NDUFAB1: variants seen among roughly 807,000 people sequenced by gnomAD.
The protein encoded by NDUFAB1 is NADH:ubiquinone oxidoreductase subunit AB1.
A neutral mutation model predicts 16.1 loss-of-function variants in NDUFAB1; 5 were observed. That is an observed-to-expected ratio of 0.31 (90% CI 0.16 to 0.65). NDUFAB1 has a LOEUF of 0.65. Among genes scored for constraint, NDUFAB1 ranks in the 30% least tolerant of loss-of-function variants. The pLI is 0.77. For synonymous variants in NDUFAB1, 85 were observed against 78.4 expected (o/e 1.08, Z -0.44); for missense variants, 187 against 205.3 (o/e 0.91, Z 0.54).
intron 1 of NDUFAB1, chr16:23,595,620 T>C (rs749629840): frequency 4.4e-6 from 2 of 456,814 alleles, no homozygotes; most frequent in South Asian, 3.1e-5. Context: ...CCAGGAGTCC[T>C]GGACACAGGC....
chr16:23,592,331 C>A, intron 1 of NDUFAB1, among the ~76,000 whole-genome samples: 1 of 146,694 alleles, frequency 6.8e-6, no homozygotes, highest in Non-Finnish European at 1.5e-5. Flanking sequence ...GTGACAGAGA[C>A]CTTGTCTGGA....
Position 23,590,185 on chromosome 16 carries a change from C to G in NDUFAB1, c.169-2866G>C, listed in dbSNP as rs142476697. 5.6e-4 allele frequency among the ~76,000 whole-genome samples: 85 copies of G among 152,290 alleles called. 2 individuals are homozygous for G. The East Asian group carries it at 0.015, about 27-fold the overall frequency. On this transcript the variant is annotated intron_variant, in intron 1 of 4. Coordinates refer to ENST00000007516, the MANE Select transcript of NDUFAB1 (RefSeq NM_005003.3). ...CAGCTCCAGCAAGTACCTACAAGGG[C>G]CAGGTGGGCACCATGTGATTAAATT...
rs1966325930 is a variant in NDUFAB1 at position 23,596,257 on chromosome 16, G to T, written c.34C>A (p.Arg12Ser). The T allele has an allele frequency of 6.3e-7, 1 of 1,588,728 alleles. No individual in the cohort carries two copies. Among genetic ancestry groups the T allele is most frequent in the Non-Finnish European group, 8.6e-7 (1 of 1,169,322 alleles). The change falls in exon 1 of 5, where the codon CGC becomes AGC. Residue 12 changes from arginine to serine, a missense_variant. Around this residue, in one of 3 missense-constraint regions of NDUFAB1, gnomAD observed 135 missense variants for 129.4 expected, o/e 1.04. Coordinates refer to ENST00000007516, the MANE Select transcript of NDUFAB1 (RefSeq NM_005003.3). ...ASRVLSAYVSRLPAAFAPLPR... is the reference protein window; with the variant it reads ...ASRVLSAYVSSLPAAFAPLPR... ...AGCGGCGCAAAGGCCGCGGGCAGGC[G>T]GCTGACATAGGCTGAAAGGACACGA...
intron 1 of NDUFAB1, among the ~76,000 whole-genome samples, chr16:23,589,805 G>A (rs573970632): frequency 7.3e-4 from 111 of 152,074 alleles, no homozygotes; most frequent in African/African-American, 1.9e-3. Context: ...GCATCGTGGC[G>A]TGTGCCTATA....
chr16:23,592,089 A>G (rs1178075442), intron 1 of NDUFAB1, among the ~76,000 whole-genome samples: 2 of 152,224 alleles, frequency 1.3e-5, no homozygotes, highest in Non-Finnish European at 2.9e-5. Context: ...GTTGTCACTC[A>G]GTCCTTGAGT....
chr16:23,585,931 C>CT (rs1164193621), intron 2 of NDUFAB1, among the ~76,000 whole-genome samples: 2 of 152,096 alleles, frequency 1.3e-5, no homozygotes, highest in African/African-American at 4.8e-5. Context: ...CTAATGTTGT[C>CT]TGTTTTTTGG....
At chr16:23,582,436 A>G (rs1966188164) in intron 3 of NDUFAB1, 61 bp from the exon 4 acceptor site, 2 of 1,468,742 alleles carry the variant, frequency 1.4e-6, no homozygotes, top group African/African-American at 2.9e-5. Flanking sequence ...TTAGAACTGA[A>G]CACACCTGAC....
intron 1 of NDUFAB1, among the ~76,000 whole-genome samples, chr16:23,588,006 G>A (rs1472186203): frequency 3.3e-5 from 5 of 152,200 alleles, no homozygotes; most frequent in African/African-American, 7.2e-5. Flanking sequence ...GGTATTAGTC[G>A]GCTCAATGTT....
At chr16:23,595,651 G>T (rs1264247723) in intron 1 of NDUFAB1, 1 of 458,396 alleles carries the variant, frequency 2.2e-6, no homozygotes, top group Non-Finnish European at 4.4e-6. Flanking sequence ...GCAGGGAAGA[G>T]TAAGGACAGA....
chr16:23,596,095 A>T, intron 1 of NDUFAB1, 28 bp downstream of exon 1: 1 of 1,591,730 alleles, frequency 6.3e-7, no homozygotes, highest in Non-Finnish European at 8.6e-7. Context: ...GACCCTTGCC[A>T]AGCGGCAGCA....
At chr16:23,589,316 T>C (rs12446966) in intron 1 of NDUFAB1, among the ~76,000 whole-genome samples, 48,093 of 148,974 alleles carry the variant, frequency 0.32, 9,596 homozygotes, top group Non-Finnish European at 0.43. Context: ...AAAAAAAAAA[T>C]CAGGTTTAAT....
chr16:23,581,348 C>T (rs1966177842), intron 4 of NDUFAB1, among the ~76,000 whole-genome samples, 175 bp from the exon 5 acceptor site: 2 of 152,120 alleles, frequency 1.3e-5, no homozygotes, highest in African/African-American at 2.4e-5. Context: ...GAGTTCGAGA[C>T]CAGCCTGGCC....
chr16:23,590,590 C>T (rs569705653), intron 1 of NDUFAB1, among the ~76,000 whole-genome samples: 1 of 151,430 alleles, frequency 6.6e-6, no homozygotes, highest in East Asian at 1.9e-4. Context: ...GTAGCGTAGC[C>T]CCAAAATACT....
intron 1 of NDUFAB1, 132 bp from the exon 2 acceptor site, chr16:23,587,451 G>A: frequency 8.7e-7 from 1 of 1,143,452 alleles, no homozygotes; most frequent in Non-Finnish European, 1.2e-6. Context: ...TCTCATTGTG[G>A]CCACCAGGAC....
chr16:23,584,133 G>T (rs1313723243), intron 3 of NDUFAB1, among the ~76,000 whole-genome samples: 3 of 150,250 alleles, frequency 2.0e-5, no homozygotes, highest in African/African-American at 4.9e-5. Context: ...AAGGCCCCAG[G>T]GTCCTCTGCC....
chr16:23,588,323 T>C (rs1224480306), intron 1 of NDUFAB1, among the ~76,000 whole-genome samples: 1 of 151,852 alleles, frequency 6.6e-6, no homozygotes, highest in African/African-American at 2.4e-5. Flanking sequence ...GGCGTGGTGG[T>C]GGGCGCCTGT....
At chr16:23,595,376 T>G in intron 1 of NDUFAB1, 1 of 359,878 alleles carries the variant, frequency 2.8e-6, no homozygotes, top group South Asian at 2.1e-5. Flanking sequence ...CCTTGGTATT[T>G]GCGCAGATTG....
At chr16:23,592,179 G>A (rs1046729229) in intron 1 of NDUFAB1, among the ~76,000 whole-genome samples, 1 of 152,098 alleles carries the variant, frequency 6.6e-6, no homozygotes, top group Non-Finnish European at 1.5e-5. Context: ...GGAAGAACAG[G>A]TCAAGAAAAC....
chr16:23,584,254 T>TAAAAAAAAAAAAAAAAAAAAAAAAAA (rs774895056), intron 3 of NDUFAB1, among the ~76,000 whole-genome samples: 2 of 12,120 alleles, frequency 1.7e-4, no homozygotes, highest in African/African-American at 1.7e-4. Context: ...GAATGATCAA[T>TAAAAAAAAAAAAAAAAAAAAAAAAAA]TAAAAAAAAA....
Sources: allele counts gnomAD v4.1 joint callset (sites outside exome capture counted in the v4.1 genomes callset), GRCh38; gene constraint gnomAD v4.1.1; regional missense constraint gnomAD v4.1.1; transcripts MANE v1.5; gene names NCBI Gene and HGNC (gene_info 2026-07-23, HGNC 2026-07-21).